The following AGBL4 variants were observed in gnomAD, a reference collection of about 807,000 sequenced individuals.
AGBL4 encodes the protein AGBL carboxypeptidase 4.
AGBL4 carries 58 observed loss-of-function variants against 66.4 expected under a neutral mutation model. The observed-to-expected ratio is 0.87, with a 90% CI of 0.71 to 1.09. AGBL4 has a LOEUF of 1.09. Ranked by LOEUF, AGBL4 falls within the 50% of genes least tolerant of loss-of-function variation. The pLI is 0.00. For missense variants in AGBL4, 579 were observed against 631.0 expected, an observed-to-expected ratio of 0.92 and a Z score of 0.88; for synonymous variants, 234 against 222.9, an observed-to-expected ratio of 1.05 and a Z score of -0.44.
At chr1:49,408,374 T>C (rs576573939) in intron 3 of AGBL4, among the ~76,000 whole-genome samples, 1 of 152,386 alleles carries the variant, frequency 6.6e-6, no homozygotes, top group East Asian at 1.9e-4. Flanking sequence ...TTTATATCCA[T>C]GTCTTCACTG....
rs556909934 is a variant in AGBL4, at chr1:49,309,114, A to T, written c.283-63250T>A. On this transcript the variant is annotated intron_variant, in intron 3 of 13. Transcript: ENST00000371839. ...GCATAGGTATAGCAGAAACAATAAA[A>T]GGCTGGAAGGTAGGAAATGAGTTGT... Among the ~76,000 whole-genome samples the T allele has an allele frequency of 2.5e-4, 38 of 152,252 alleles. No homozygotes were observed. In the East Asian group the frequency reaches 6.8e-3, roughly 27 times the overall value.
chr1:48,629,737 A>G (rs1645563679), intron 9 of AGBL4, among the ~76,000 whole-genome samples: 1 of 152,156 alleles, frequency 6.6e-6, no homozygotes, highest in South Asian at 2.1e-4. Context: ...ATGCCATCTC[A>G]GGTTCTATCC....
intron 2 of AGBL4, among the ~76,000 whole-genome samples, chr1:49,837,312 T>C (rs911347508): frequency 2.0e-5 from 3 of 152,222 alleles, no homozygotes; most frequent in Non-Finnish European, 4.4e-5. Flanking sequence ...GAGCTGCGAC[T>C]GGCTCCAACC....
At chr1:49,682,557 C>T (rs990721789) in intron 3 of AGBL4, among the ~76,000 whole-genome samples, 7 of 152,202 alleles carry the variant, frequency 4.6e-5, no homozygotes, top group African/African-American at 1.7e-4. Context: ...CCACTCATCA[C>T]AGATTTTTCA....
intron 3 of AGBL4, among the ~76,000 whole-genome samples, chr1:49,259,705 A>G (rs1333853979): frequency 1.6e-5 from 2 of 126,760 alleles, no homozygotes; most frequent in Non-Finnish European, 3.3e-5. Flanking sequence ...CACAATAATA[A>G]TGGGAGACTT....
chr1:49,684,843 C>G (rs1646758095), intron 3 of AGBL4, among the ~76,000 whole-genome samples: 1 of 152,130 alleles, frequency 6.6e-6, no homozygotes, highest in Non-Finnish European at 1.5e-5. Context: ...TTAAAACCTA[C>G]TTTTATCTAT....
chr1:49,438,611 C>T (rs1031410217), intron 3 of AGBL4, among the ~76,000 whole-genome samples: 30 of 152,176 alleles, frequency 2.0e-4, no homozygotes, highest in Admixed American at 1.7e-3. Context: ...TGGTGCCCTA[C>T]CAAAGGAATA....
intron 3 of AGBL4, among the ~76,000 whole-genome samples, chr1:49,333,337 G>GC (rs1045693828): frequency 1.3e-4 from 20 of 152,238 alleles, no homozygotes; most frequent in African/African-American, 4.6e-4. Flanking sequence ...AATTACCTGG[G>GC]CGTGGTGGCG....
intron 3 of AGBL4, among the ~76,000 whole-genome samples, chr1:49,420,420 G>T (rs1645518104): frequency 6.6e-6 from 1 of 151,890 alleles, no homozygotes; most frequent in Admixed American, 6.6e-5. Flanking sequence ...CTCTGTATTG[G>T]CCGGGTGCAG....
chr1:49,434,646 T>G (rs1164437132), intron 3 of AGBL4, among the ~76,000 whole-genome samples: 1 of 151,894 alleles, frequency 6.6e-6, no homozygotes, highest in African/African-American at 2.4e-5. Context: ...AGCAAATTGC[T>G]ATCTGTTCTT....
intron 3 of AGBL4, among the ~76,000 whole-genome samples, chr1:49,369,024 C>A (rs772487161): frequency 3.3e-5 from 5 of 151,888 alleles, no homozygotes; most frequent in Non-Finnish European, 5.9e-5. Flanking sequence ...TTATGGTGAG[C>A]CAAGGTAGCA....
chr1:49,998,834 A>T (rs1660545048), intron 1 of AGBL4, among the ~76,000 whole-genome samples: 1 of 152,178 alleles, frequency 6.6e-6, no homozygotes, highest in South Asian at 2.1e-4. Context: ...AACAAAAATC[A>T]CATGATTATC....
chr1:48,612,543 A>G (rs774496993), intron 9 of AGBL4, among the ~76,000 whole-genome samples: 9 of 152,220 alleles, frequency 5.9e-5, no homozygotes, highest in Non-Finnish European at 1.2e-4. Context: ...AGGCCTGGAC[A>G]TTGTCTCAGT....
At chr1:50,006,595 C>T (rs1661148657) in intron 1 of AGBL4, among the ~76,000 whole-genome samples, 1 of 151,432 alleles carries the variant, frequency 6.6e-6, no homozygotes, top group Admixed American at 6.6e-5. Context: ...AGCTCCAATA[C>T]ACCTGGCAGC....
intron 3 of AGBL4, among the ~76,000 whole-genome samples, chr1:49,598,766 T>G (rs1038828382): frequency 5.9e-5 from 9 of 152,100 alleles, no homozygotes; most frequent in Non-Finnish European, 1.3e-4. Flanking sequence ...CAGGGACATT[T>G]AAGTCTGCAT....
intron 3 of AGBL4, among the ~76,000 whole-genome samples, chr1:49,342,777 A>G (rs541056914): frequency 6.6e-6 from 1 of 152,268 alleles, no homozygotes; most frequent in East Asian, 1.9e-4. Context: ...TCCTTCATGA[A>G]CAACTTCTGA....
chr1:49,706,121 T>C (rs1324503187), intron 2 of AGBL4, among the ~76,000 whole-genome samples: 1 of 152,210 alleles, frequency 6.6e-6, no homozygotes, highest in Non-Finnish European at 1.5e-5. Context: ...TTAGAAGGAA[T>C]GGTACCAGTT....
At chr1:48,893,705 A>AATAAATAAATAAATAAATAAATAAAT (rs1553120621) in intron 5 of AGBL4, among the ~76,000 whole-genome samples, 2 of 148,424 alleles carry the variant, frequency 1.3e-5, no homozygotes, top group African/African-American at 2.5e-5. Context: ...TAAATAAATA[A>AATAAATAAATAAATAAATAAATAAAT]AAAGATAAAA....
chr1:48,534,756 C>T (rs1175178697), intron 13 of AGBL4, 134 bp downstream of exon 13: 2 of 909,512 alleles, frequency 2.2e-6, no homozygotes, highest in Admixed American at 5.1e-5. Context: ...CAGGAAGCCT[C>T]ACTGCCTGAA....
Sources: allele counts gnomAD v4.1 joint callset (sites outside exome capture counted in the v4.1 genomes callset), GRCh38; gene constraint gnomAD v4.1.1; transcripts MANE v1.5; gene names NCBI Gene and HGNC (gene_info 2026-07-23, HGNC 2026-07-21).